Variants in NAP1L1 observed in about 807,000 individuals in gnomAD.
NAP1L1 encodes nucleosome assembly protein 1 like 1.
NAP1L1 carries 9 observed loss-of-function variants against 58.9 expected under a neutral mutation model. That is an observed-to-expected ratio of 0.15 (90% CI 0.09 to 0.27). The LOEUF is 0.27. NAP1L1 is among the 10% of genes least tolerant of loss of function. NAP1L1 has a pLI of 1.00. For synonymous variants in NAP1L1, 130 were observed against 138.3 expected, an observed-to-expected ratio of 0.94 and a Z score of 0.42; for missense variants, 302 against 458.8, an observed-to-expected ratio of 0.66 and a Z score of 3.12.
Position 76,064,191 on chromosome 12 carries a change from A to AC in NAP1L1, c.206+3179dup, listed in dbSNP as rs550144628. Among the ~76,000 whole-genome samples, 51 of 152,024 alleles carry AC rather than the reference A, an allele frequency of 3.4e-4. 1 individual carries two copies. The highest frequency in any genetic ancestry group is 3.3e-3 in the East Asian group (17 of 5,186). ...TAATATCAGACAAATAAAAATTATGACCCCCCCAAAAAACATTATAAAACA... is the reference window on the plus strand; with the variant it reads ...TAATATCAGACAAATAAAAATTATGACCCCCCCCAAAAAACATTATAAAACA... On this transcript the variant is annotated intron_variant, in intron 4 of 14. Transcript: ENST00000618691.
rs1949582540 is a variant in NAP1L1, at chr12:76,064,709, TA to T, written c.206+2661del. The stretch of plus-strand genomic sequence containing the variant: ...TTTAAAACTATTGTAAACTATGTAC[TA>T]ATCAATTTTAAACCTAAATATGTAC... On this transcript the variant is annotated intron_variant, in intron 4 of 14. Transcript: ENST00000618691. 3.3e-5 allele frequency among the ~76,000 whole-genome samples: 5 copies of T among 152,098 alleles called. No individual in the cohort carries two copies. The South Asian group carries it at 1.0e-3, about 32-fold the overall frequency.
intron 4 of NAP1L1, among the ~76,000 whole-genome samples, chr12:76,066,796 T>G (rs1949697967): frequency 6.6e-6 from 1 of 152,098 alleles, no homozygotes; most frequent in Non-Finnish European, 1.5e-5. Context: ...TGAGCACACA[T>G]CTCAAAGAAA....
rs1949160647 is a variant in NAP1L1, at chr12:76,057,401, T to C, written c.430-1240A>G. On this transcript the variant is annotated intron_variant, in intron 6 of 14. Coordinates refer to ENST00000618691, the MANE Select transcript of NAP1L1 (RefSeq NM_004537.7). ...TTATCATTCTTACAAAAAGGAAAAA[T>C]ATTTCCTAGGTATAAAAATACAACT... The C allele has an allele frequency of 6.5e-6, 3 of 463,082 alleles. No homozygotes were observed. The South Asian group carries it at 6.8e-5, about 10-fold the overall frequency. 28.7% of individuals were successfully genotyped at this position (463,082 alleles called of 1,614,324 possible). A position where few individuals can be genotyped will look rare whatever the true frequency, so the allele number is the denominator to read the frequency against.
intron 7 of NAP1L1, 149 bp downstream of exon 7, chr12:76,055,884 C>T: frequency 2.5e-6 from 2 of 790,814 alleles, no homozygotes; most frequent in Non-Finnish European, 4.1e-6. Context: ...TTAATCAAAG[C>T]TGTAATTTCT....
intron 4 of NAP1L1, 22 bp downstream of exon 4, chr12:76,067,348 TA>T (rs1565736286): frequency 6.5e-7 from 1 of 1,542,696 alleles, no homozygotes; most frequent in Non-Finnish European, 8.9e-7. Flanking sequence ...GAAAGATAAA[TA>T]AGGACTATGG....
At chr12:76,065,142 G>C (rs545865048) in intron 4 of NAP1L1, among the ~76,000 whole-genome samples, 108 of 151,934 alleles carry the variant, frequency 7.1e-4, no homozygotes, top group African/African-American at 2.5e-3. Flanking sequence ...AGGAATGCAA[G>C]GCTAGTTTGA....
intron 6 of NAP1L1, 34 bp from the exon 7 acceptor site, chr12:76,056,195 A>G: frequency 6.3e-7 from 1 of 1,596,158 alleles, no homozygotes; most frequent in Non-Finnish European, 8.5e-7. Flanking sequence ...TATTTAATAC[A>G]TAGATTAGAC....
chr12:76,051,055 G>T (rs1327818628), intron 11 of NAP1L1, among the ~76,000 whole-genome samples: 3 of 151,416 alleles, frequency 2.0e-5, no homozygotes, highest in Non-Finnish European at 4.4e-5. Context: ...ATGATGAAGG[G>T]AAGAAATGCT....
rs1364401011 is a variant in NAP1L1 at position 76,046,934 on chromosome 12, TAC to T, written c.*1493_*1494del. The T allele has an allele frequency of 6.6e-6, 1 of 152,460 alleles. No homozygotes were observed. The allele number at this position is 152,460 out of a possible 1,614,324, so 9.4% of individuals were successfully genotyped here. A position where few individuals can be genotyped will look rare whatever the true frequency, so the allele number is the denominator to read the frequency against. On this transcript the variant is annotated 3_prime_UTR_variant, in exon 15 of 15. Transcript: ENST00000618691. Reference sequence around the variant, plus strand: ...AGTGCTATCCCTGTAGTATTTACAATACAGTCATCAAAAATATCTGAAAACAA... The same window carrying T: ...AGTGCTATCCCTGTAGTATTTACAATAGTCATCAAAAATATCTGAAAACAA...
chr12:76,060,514 T>C lies in NAP1L1; in HGVS notation c.207-235A>G, dbSNP rs1482547172. ...GATAAACAAAATGTAAATCATATTG[T>C]CAACCCTAAATCTTTACCCAAGTTA... On this transcript the variant is annotated intron_variant, in intron 4 of 14. Coordinates refer to ENST00000618691, the MANE Select transcript of NAP1L1 (RefSeq NM_004537.7). Among the ~76,000 whole-genome samples, 31 of 152,234 alleles carry C rather than the reference T, an allele frequency of 2.0e-4. 1 individual carries two copies. The highest frequency in any genetic ancestry group is 1.8e-3 in the Admixed American group (28 of 15,290).
At chr12:76,061,599 G>A (rs1455734791) in intron 4 of NAP1L1, among the ~76,000 whole-genome samples, 1 of 152,116 alleles carries the variant, frequency 6.6e-6, no homozygotes, top group Non-Finnish European at 1.5e-5. Flanking sequence ...TACACACTAG[G>A]TTATGAGTCT....
At chr12:76,068,832 T>C (rs10880034) in intron 3 of NAP1L1, 77 bp downstream of exon 3, 642,619 of 1,040,196 alleles carry the variant, frequency 0.62, 205,014 homozygotes, top group East Asian at 0.97. Context: ...TCCAAAAAAA[T>C]AGACTGGTAC....
Position 76,053,832 on chromosome 12 carries a change from C to T in NAP1L1, c.708G>A (p.Arg236=), listed in dbSNP as rs147301241. Reference sequence around the variant, plus strand: ...AGGGATCAGAATCATCTGGTTCTGACCTCATCCTGTATGTCTTTGTCAGCA... The same window carrying T: ...AGGGATCAGAATCATCTGGTTCTGATCTCATCCTGTATGTCTTTGTCAGCA... ...NEVLTKTYRM[R]SEPDDSDPFS... is the part of the protein sequence containing the mutation. The change falls in exon 9 of 15, where the codon AGG becomes AGA. Residue 236 remains arginine, a synonymous_variant. Transcript: ENST00000618691. 5 of 1,605,308 alleles carry T rather than the reference C, an allele frequency of 3.1e-6. No homozygotes were observed. In the African/African-American group the frequency reaches 5.4e-5, roughly 17 times the overall value.
rs1267412995 is a variant in NAP1L1, at chr12:76,049,231, TCTC to T, written c.1106_1108del (p.Gly369del). The stretch of plus-strand genomic sequence containing the variant: ...GTCATAGTCTGGATCATTTTCCTCA[TCTC>T]CTTCTTCTTCCCCTTCCTATATTAA... On this transcript the variant is annotated inframe_deletion, in exon 14 of 15. Transcript: ENST00000618691. 1.2e-6 allele frequency: 2 copies of T among 1,613,606 alleles called. No homozygotes were observed. The highest frequency in any genetic ancestry group is 1.7e-6 in the Non-Finnish European group (2 of 1,179,726).
At chr12:76,052,892 C>T (rs1592617615) in intron 11 of NAP1L1, among the ~76,000 whole-genome samples, 199 bp downstream of exon 11, 1 of 152,122 alleles carries the variant, frequency 6.6e-6, no homozygotes, top group East Asian at 1.9e-4. Context: ...AAACCTTAAG[C>T]TTTTTATCTC....
Position 76,044,337 on chromosome 12 carries a change from C to T in NAP1L1, c.*4092G>A, listed in dbSNP as rs1318598822. The stretch of plus-strand genomic sequence containing the variant: ...ATAAATGGATAAAACATGTAAGAAA[C>T]TAAAAAGCAATGCTTTTATGTAATA... On this transcript the variant is annotated 3_prime_UTR_variant, in exon 15 of 15. Transcript: ENST00000618691. 1 of 152,102 alleles carries T rather than the reference C, an allele frequency of 6.6e-6. No homozygotes were observed. The highest frequency in any genetic ancestry group is 1.5e-5 in the Non-Finnish European group (1 of 68,000). 9.4% of individuals were successfully genotyped at this position (152,102 alleles called of 1,614,324 possible). A position where few individuals can be genotyped will look rare whatever the true frequency, so the allele number is the denominator to read the frequency against.
chr12:76,056,524 C>A, intron 6 of NAP1L1: 1 of 430,310 alleles, frequency 2.3e-6, no homozygotes. Flanking sequence ...ATTATATTCT[C>A]TTTACCAAAC....
chr12:76,045,927 T>C lies in NAP1L1; in HGVS notation c.*2502A>G, dbSNP rs543171428. 6.6e-6 allele frequency: 1 copy of C among 152,138 alleles called. No homozygotes were observed. The highest frequency in any genetic ancestry group is 1.9e-4 in the East Asian group (1 of 5,194). The allele number at this position is 152,138 out of a possible 1,614,324, so 9.4% of individuals were successfully genotyped here. ...AGAGTGTAAAGACAAATCTCAAAAA[T>C]GTTTGTAGATAACTCAGAATAATAA... On this transcript the variant is annotated 3_prime_UTR_variant, in exon 15 of 15. Coordinates refer to ENST00000618691, the MANE Select transcript of NAP1L1 (RefSeq NM_004537.7).
At position 76,047,987 on chromosome 12, in the gene NAP1L1, A is replaced by C. The variant is rs1356449680; in HGVS notation, c.*442T>G. On this transcript the variant is annotated 3_prime_UTR_variant, in exon 15 of 15. Transcript: ENST00000618691. ...TTTTTAAACAATAAATTGTCTTAGTATAAGTCACTGCATTTCTGTAACAAA... is the reference window on the plus strand; with the variant it reads ...TTTTTAAACAATAAATTGTCTTAGTCTAAGTCACTGCATTTCTGTAACAAA... 1 of 159,962 alleles carries C rather than the reference A, an allele frequency of 6.3e-6. No individual in the cohort carries two copies. The highest frequency in any genetic ancestry group is 1.4e-5 in the Non-Finnish European group (1 of 73,120). The allele number at this position is 159,962 out of a possible 1,614,324, so 9.9% of individuals were successfully genotyped here.
Sources: allele counts gnomAD v4.1 joint callset (sites outside exome capture counted in the v4.1 genomes callset), GRCh38; gene constraint gnomAD v4.1.1; transcripts MANE v1.5; gene names NCBI Gene and HGNC (gene_info 2026-07-23, HGNC 2026-07-21).